PCM1: variants seen among roughly 807,000 people sequenced by gnomAD.
PCM1 encodes the protein pericentriolar material 1 protein.
Under a neutral mutation model 241.9 loss-of-function variants are expected in PCM1, and 157 were observed. The ratio of observed to expected loss-of-function variants is 0.65; its 90% CI spans 0.57 to 0.74. PCM1 has a LOEUF of 0.74. Ranked by LOEUF, PCM1 falls within the 30% of genes least tolerant of loss-of-function variation. The pLI is 0.00. For synonymous variants in PCM1, 1,085 were observed against 784.9 expected (o/e 1.38, Z -6.39); for missense variants, 3,478 against 2,360.1 (o/e 1.47, Z -9.81).
chr8:17,940,980 A>C (rs1404488234), intron 6 of PCM1, among the ~76,000 whole-genome samples: 1 of 152,072 alleles, frequency 6.6e-6, no homozygotes, highest in Non-Finnish European at 1.5e-5. Flanking sequence ...TAGGAATTTG[A>C]AGGTTTGTTT....
At chr8:17,985,896 A>T in intron 25 of PCM1, 63 bp from the exon 26 acceptor site, 7 of 1,109,896 alleles carry the variant, frequency 6.3e-6, no homozygotes, top group Non-Finnish European at 8.8e-6. Flanking sequence ...TTGAATCTGT[A>T]ATATAAATGA....
At position 17,935,662 on chromosome 8, in the gene PCM1, C is replaced by A; in HGVS notation, c.52C>A (p.Pro18Thr). 6.4e-7 allele frequency: 1 copy of A among 1,561,350 alleles called. No homozygotes were observed. The highest frequency in any genetic ancestry group is 8.8e-7 in the Non-Finnish European group (1 of 1,132,356). Residue 18 changes from proline (P) to threonine (T), a missense_variant, in exon 3 of 39, where the codon CCA becomes ACA. Coordinates refer to ENST00000325083, the MANE Select transcript of PCM1 (RefSeq NM_006197.4). ...AGATGGCATGAATGATCAGGATTTA[C>A]CAAACTGGAGTAATGAGAATGTTGA... ...FEDGMNDQDL[P>T]NWSNENVDDR...
chr8:18,015,500 G>A (rs1476423509), intron 36 of PCM1, among the ~76,000 whole-genome samples: 1 of 151,740 alleles, frequency 6.6e-6, no homozygotes, highest in Non-Finnish European at 1.5e-5. Context: ...TGTGACTAGG[G>A]ACTTTCTGAG....
At chr8:17,938,181 C>T (rs775405371) in intron 4 of PCM1, among the ~76,000 whole-genome samples, 1 of 152,126 alleles carries the variant, frequency 6.6e-6, no homozygotes, top group African/African-American at 2.4e-5. Flanking sequence ...GCTCCAAAAT[C>T]CAAAACTTTT....
At chr8:18,015,931 C>CAGGCTGGAGTGCAGTGGCGCGATCTCGG (rs2093137575) in intron 36 of PCM1, 1 of 152,448 alleles carries the variant, frequency 6.6e-6, no homozygotes, top group South Asian at 2.1e-4. Context: ...CTCTGTCATC[C>CAGGCTGGAGTGCAGTGGCGCGATCTCGG]AGGCTGGAGT....
chr8:17,994,542 A>G (rs556547281), intron 29 of PCM1, among the ~76,000 whole-genome samples: 2 of 152,326 alleles, frequency 1.3e-5, no homozygotes, highest in Non-Finnish European at 2.9e-5. Context: ...TCTTTTCTGT[A>G]TATACCCAGC....
chr8:17,963,254 G>C lies in PCM1; in HGVS notation c.2617G>C (p.Glu873Gln). 1.2e-6 allele frequency: 2 copies of C among 1,612,894 alleles called. No individual in the cohort carries two copies. The highest frequency in any genetic ancestry group is 1.7e-6 in the Non-Finnish European group (2 of 1,179,594). Residue 873 changes from glutamate (E) to glutamine (Q), a missense_variant, in exon 17 of 39, where the codon GAG becomes CAG. Coordinates refer to ENST00000325083, the MANE Select transcript of PCM1 (RefSeq NM_006197.4). ...TGTGTCATTGAGAAGTGATGGATCT[G>C]AGAACCTATGTACTCCTCAGCAAAG... ...VAVSLRSDGS[E>Q]NLCTPQQSRT...
At chr8:17,965,107 A>G (rs1350731278) in intron 18 of PCM1, among the ~76,000 whole-genome samples, 1 of 152,156 alleles carries the variant, frequency 6.6e-6, no homozygotes, top group Non-Finnish European at 1.5e-5. Flanking sequence ...ACGTTTCCTC[A>G]TTTCTTATAA....
chr8:17,939,879 A>C lies in PCM1; in HGVS notation c.783+18A>C. On this transcript the variant is annotated intron_variant, in intron 6 of 38. Coordinates refer to ENST00000325083, the MANE Select transcript of PCM1 (RefSeq NM_006197.4). ...AAATCCTTGTAAGTATTCGACTTTT[A>C]AAATAACATATTATTTTTGTAGTAT... 7.3e-7 allele frequency: 1 copy of C among 1,366,502 alleles called. No homozygotes were observed. Among genetic ancestry groups the C allele is most frequent in the Non-Finnish European group, 1.0e-6 (1 of 993,388 alleles). The allele number at this position is 1,366,502 out of a possible 1,614,324, so 84.6% of individuals were successfully genotyped here. A position where few individuals can be genotyped will look rare whatever the true frequency, so the allele number is the denominator to read the frequency against.
In PCM1 at chr8:17,998,092, G is replaced by A. The variant is rs560548376; in HGVS notation, c.4827+4473G>A. Among the ~76,000 whole-genome samples, 7 of 151,888 alleles carry A rather than the reference G, an allele frequency of 4.6e-5. No homozygotes were observed. The South Asian group carries it at 6.2e-4, about 14-fold the overall frequency. The stretch of plus-strand genomic sequence containing the variant: ...CCTGTGTTATCTTGAATTTGTTTGA[G>A]TTTCCTCAAGACAGCTATTTTGAAT... On this transcript the variant is annotated intron_variant, in intron 29 of 38. Coordinates refer to ENST00000325083, the MANE Select transcript of PCM1 (RefSeq NM_006197.4).
Position 17,960,429 on chromosome 8 carries a change from A to C in PCM1, c.2307A>C (p.Ala769=), listed in dbSNP as rs763868750. Residue 769 remains alanine, a synonymous_variant, in exon 15 of 39, where the codon GCA becomes GCC. Transcript: ENST00000325083. ...IQEKIQALQT[A]CPDLQLSAAS... ...AGAAAATTCAAGCATTGCAAACGGCATGCCCTGACTTACAGGTAATTATGA... is the reference window on the plus strand; with the variant it reads ...AGAAAATTCAAGCATTGCAAACGGCCTGCCCTGACTTACAGGTAATTATGA... 5.6e-6 allele frequency: 9 copies of C among 1,598,146 alleles called. No individual in the cohort carries two copies. Among genetic ancestry groups the C allele is most frequent in the Non-Finnish European group, 7.7e-6 (9 of 1,174,772 alleles).
chr8:17,982,703 C>T (rs1286829441), intron 24 of PCM1: 1 of 152,266 alleles, frequency 6.6e-6, no homozygotes, highest in Non-Finnish European at 1.5e-5. Context: ...ACTGTGTTAG[C>T]CAGGATGGTC....
chr8:17,942,946 G>A (rs1203043079), intron 6 of PCM1, among the ~76,000 whole-genome samples: 2 of 149,950 alleles, frequency 1.3e-5, no homozygotes, highest in Non-Finnish European at 2.9e-5. Flanking sequence ...GCAGCGAGCC[G>A]AGATCCTGCC....
At chr8:17,962,206 T>A (rs2072615604) in intron 16 of PCM1, 32 bp downstream of exon 16, 1 of 1,561,504 alleles carries the variant, frequency 6.4e-7, no homozygotes, top group East Asian at 2.3e-5. Flanking sequence ...TGTTCCTGAG[T>A]TAGTCTTTTG....
chr8:17,996,728 T>A (rs2086910349), intron 29 of PCM1, among the ~76,000 whole-genome samples: 1 of 152,228 alleles, frequency 6.6e-6, no homozygotes, highest in African/African-American at 2.4e-5. Flanking sequence ...TTGCAAATAC[T>A]GTCTTATAAC....
intron 27 of PCM1, 61 bp downstream of exon 27, chr8:17,990,040 A>G: frequency 2.2e-6 from 3 of 1,352,358 alleles, no homozygotes; most frequent in Non-Finnish European, 3.0e-6. Context: ...CAGTCTTTGA[A>G]TTGGCGTTGA....
intron 29 of PCM1, among the ~76,000 whole-genome samples, chr8:18,001,298 A>G (rs2089333242): frequency 6.6e-6 from 1 of 152,222 alleles, no homozygotes; most frequent in African/African-American, 2.4e-5. Flanking sequence ...TATTACAAAC[A>G]CTTATTGAAT....
chr8:17,955,521 CTG>C lies in PCM1; in HGVS notation c.1342_1343del (p.Val448ArgfsTer12). ...AGAAGTACTTCAGCTCCCTCTGCTT[CTG>C]TAGGCTTGGCACCGGTTGTCAATGG... is the stretch of plus-strand genomic sequence containing the variant. On this transcript the variant is annotated frameshift_variant, in exon 10 of 39. Transcript: ENST00000325083. LOFTEE classifies it high-confidence loss of function. 1 of 1,613,782 alleles carries C rather than the reference CTG, an allele frequency of 6.2e-7. No homozygotes were observed. Among genetic ancestry groups the C allele is most frequent in the Non-Finnish European group, 8.5e-7 (1 of 1,179,782 alleles).
At chr8:18,010,539 A>C (rs1217262347) in intron 31 of PCM1, 70 bp from the exon 32 acceptor site, 6 of 1,150,788 alleles carry the variant, frequency 5.2e-6, no homozygotes, top group Non-Finnish European at 7.6e-6. Context: ...TGGGAGGCTG[A>C]GACATGAGAA....
Sources: gnomAD v4.1 joint callset for allele counts (sites outside exome capture counted in the v4.1 genomes callset) on GRCh38, gnomAD v4.1.1 for gene constraint, MANE v1.5 for transcripts, NCBI Gene and HGNC (gene_info 2026-07-23, HGNC 2026-07-21) for gene names.